The following FGD6 variants were observed in gnomAD, a reference collection of about 807,000 sequenced individuals.
FGD6 encodes FYVE, RhoGEF and PH domain containing 6.
Under a neutral mutation model 149.4 loss-of-function variants are expected in FGD6, and 90 were observed. The ratio of observed to expected loss-of-function variants is 0.60; its 90% CI spans 0.51 to 0.72. The LOEUF is 0.72. FGD6 is among the 30% of genes least tolerant of loss of function. The pLI, the probability that FGD6 is intolerant of heterozygous loss-of-function variation, is 0.00. For synonymous variants in FGD6, 527 were observed against 584.0 expected, an observed-to-expected ratio of 0.90 and a Z score of 1.41; for missense variants, 1,437 against 1,684.8, an observed-to-expected ratio of 0.85 and a Z score of 2.57.
chr12:95,097,234 A>G (rs1194468825), intron 14 of FGD6, among the ~76,000 whole-genome samples: 1 of 152,198 alleles, frequency 6.6e-6, no homozygotes, highest in African/African-American at 2.4e-5. Context: ...TCAAACTGAA[A>G]AACTGTTAAG....
intron 3 of FGD6, among the ~76,000 whole-genome samples, chr12:95,171,526 T>C (rs1256784679): frequency 6.6e-6 from 1 of 152,154 alleles, no homozygotes; most frequent in Non-Finnish European, 1.5e-5. Context: ...GCATCATGCA[T>C]CTTTTTTGAG....
At position 95,209,198 on chromosome 12, in the gene FGD6, A is replaced by G; in HGVS notation, c.2086T>C (p.Tyr696His). The part of the protein sequence containing the change: ...KPIKAYSTEN[Y>H]SLESQKKRKK... ...CTCTTCTTTTGAGATTCCAGGCTAT[A>G]GTTTTCTGTGGAATATGCCTTGATG... is the stretch of plus-strand genomic sequence containing the variant. The change falls in exon 2 of 21, where the codon TAT becomes CAT. Residue 696 changes from tyrosine to histidine, a missense_variant. Physicochemically the swap from Tyr to His is moderately conservative, Grantham distance 83. This residue lies in a region of FGD6 where 1,055 missense variants were observed against 1,146.0 expected (regional missense o/e 0.92). Transcript: ENST00000343958. 2 of 1,613,960 alleles carry G rather than the reference A, an allele frequency of 1.2e-6. No homozygotes were observed. The highest frequency in any genetic ancestry group is 1.3e-5 in the African/African-American group (1 of 74,950).
chr12:95,148,937 A>G (rs1363291469), intron 5 of FGD6, among the ~76,000 whole-genome samples: 28 of 594 alleles, frequency 0.047, 2 homozygotes, highest in African/African-American at 0.29. Flanking sequence ...TATAGCATAT[A>G]TTATATATAT....
intron 13 of FGD6, 91 bp from the exon 14 acceptor site, chr12:95,105,177 T>C (rs1878572210): frequency 2.9e-6 from 3 of 1,030,066 alleles, no homozygotes; most frequent in South Asian, 2.9e-5. Context: ...GCTGCTTACA[T>C]CCACAACCAA....
chr12:95,081,645 C>A, intron 20 of FGD6, 89 bp from the exon 21 acceptor site: 6 of 685,436 alleles, frequency 8.8e-6, no homozygotes, highest in East Asian at 2.8e-5. Flanking sequence ...CTGTGGTCCT[C>A]ATTACCATAA....
At chr12:95,170,265 G>T (rs151096897) in intron 3 of FGD6, among the ~76,000 whole-genome samples, 12 of 152,294 alleles carry the variant, frequency 7.9e-5, no homozygotes, top group Middle Eastern at 3.4e-3. Flanking sequence ...ACATCACTCT[G>T]ATTTGTTTCC....
Position 95,136,389 on chromosome 12 carries a change from C to CA in FGD6, c.2994+1132dup, listed in dbSNP as rs1003244339. On this transcript the variant is annotated intron_variant, in intron 7 of 20. Coordinates refer to ENST00000343958, the MANE Select transcript of FGD6 (RefSeq NM_018351.4). ...CAAAACAAAAACAAAAACAAACAAACAAAAAAAACCCTTTTCACTTCTAGT... is the reference window on the plus strand; with the variant it reads ...CAAAACAAAAACAAAAACAAACAAACAAAAAAAAACCCTTTTCACTTCTAGT... 4.2e-4 allele frequency among the ~76,000 whole-genome samples: 64 copies of CA among 151,846 alleles called. No homozygotes were observed. The South Asian group carries it at 5.6e-3, about 13-fold the overall frequency.
At chr12:95,214,679 A>G (rs2056744317) in intron 1 of FGD6, among the ~76,000 whole-genome samples, 2 of 152,170 alleles carry the variant, frequency 1.3e-5, no homozygotes, top group African/African-American at 4.8e-5. Flanking sequence ...GTACCATTTT[A>G]CTAACTATTA....
rs199586569 is a variant in FGD6, at chr12:95,209,041, T to C, written c.2243A>G (p.Tyr748Cys). The C allele has an allele frequency of 9.3e-6, 15 of 1,614,074 alleles. No homozygotes were observed. The highest frequency in any genetic ancestry group is 1.3e-5 in the African/African-American group (1 of 74,926). ...KSVTSLCAPEYENIRHYEEIP... is the reference protein window; with the variant it reads ...KSVTSLCAPECENIRHYEEIP... Reference sequence around the variant, plus strand: ...TTCCTCATAATGGCGTATATTTTCATACTCCGGTGCACAGAGGCTTGTAAC... The same window carrying C: ...TTCCTCATAATGGCGTATATTTTCACACTCCGGTGCACAGAGGCTTGTAAC... The change falls in exon 2 of 21, where the codon TAT becomes TGT. Residue 748 changes from tyrosine to cysteine, a missense_variant. Tyr to Cys is a radical substitution (Grantham distance 194). This residue lies in a region of FGD6 where 1,055 missense variants were observed against 1,146.0 expected (regional missense o/e 0.92). Transcript: ENST00000343958.
At chr12:95,085,735 C>T in intron 19 of FGD6, 45 bp downstream of exon 19, 1 of 1,556,720 alleles carries the variant, frequency 6.4e-7, no homozygotes, top group South Asian at 1.2e-5. Flanking sequence ...TTGCAGTTGG[C>T]ATTACAAAAC....
chr12:95,102,133 G>T lies in FGD6; in HGVS notation c.3497+2874C>A, dbSNP rs377021933. 1.4e-4 allele frequency among the ~76,000 whole-genome samples: 21 copies of T among 151,114 alleles called. No individual in the cohort carries two copies. In the East Asian group the frequency reaches 1.6e-3, roughly 11 times the overall value. ...ACCAGCCTGGCCAATATGGTGAAAG[G>T]TCATCTCTATCTTAAAATTAAAAAA... is the stretch of plus-strand genomic sequence containing the variant. On this transcript the variant is annotated intron_variant, in intron 14 of 20. Coordinates refer to ENST00000343958, the MANE Select transcript of FGD6 (RefSeq NM_018351.4).
Position 95,211,782 on chromosome 12 carries a change from C to T in FGD6, c.17-515G>A, listed in dbSNP as rs183483193. Among the ~76,000 whole-genome samples the T allele has an allele frequency of 4.6e-4, 70 of 152,280 alleles. 1 individual carries two copies. The highest frequency in any genetic ancestry group is 7.8e-4 in the Admixed American group (12 of 15,296). ...CTCAAACTCCTGACCTCGTGATCCA[C>T]CCACCTCAGCCTCCCAAAGTGCTGG... On this transcript the variant is annotated intron_variant, in intron 1 of 20. Coordinates refer to ENST00000343958, the MANE Select transcript of FGD6 (RefSeq NM_018351.4).
chr12:95,157,900 T>G (rs1374160264), intron 3 of FGD6, among the ~76,000 whole-genome samples: 1 of 152,144 alleles, frequency 6.6e-6, no homozygotes, highest in African/African-American at 2.4e-5. Context: ...CAGGCTGGAG[T>G]GCAGTGGTGC....
At position 95,193,580 on chromosome 12, in the gene FGD6, G is replaced by A. The variant is rs528183120; in HGVS notation, c.2441+15263C>T. ...GTCTCACTCTGTTGCCCAGGCTGGA[G>A]TGTAGTGGCGTGATCTTGGCTCACT... On this transcript the variant is annotated intron_variant, in intron 2 of 20. Transcript: ENST00000343958. 2.7e-4 allele frequency among the ~76,000 whole-genome samples: 41 copies of A among 150,290 alleles called. 1 individual carries two copies. The South Asian group carries it at 8.0e-3, about 29-fold the overall frequency.
chr12:95,186,200 A>G (rs539137963), intron 2 of FGD6, among the ~76,000 whole-genome samples: 13 of 129,954 alleles, frequency 1.0e-4, no homozygotes, highest in African/African-American at 3.4e-4. Context: ...AAGGTCTATG[A>G]GCTAAGAATG....
At chr12:95,141,766 A>G (rs985655468) in intron 5 of FGD6, among the ~76,000 whole-genome samples, 1 of 151,644 alleles carries the variant, frequency 6.6e-6, no homozygotes, top group African/African-American at 2.4e-5. Context: ...ATACTATATG[A>G]TATTTATCTT....
At chr12:95,100,741 G>T (rs905846135) in intron 14 of FGD6, 2 of 512,306 alleles carry the variant, frequency 3.9e-6, no homozygotes, top group Non-Finnish European at 7.8e-6. Context: ...GGACCATCTT[G>T]CCTGGAGCAA....
At chr12:95,125,863 G>C (rs1879322833) in intron 8 of FGD6, 1 of 1,127,880 alleles carries the variant, frequency 8.9e-7, no homozygotes, top group Admixed American at 1.7e-5. Flanking sequence ...GATCAGAACA[G>C]GGCTTTGGTT....
At chr12:95,149,454 G>A (rs112248425) in intron 5 of FGD6, among the ~76,000 whole-genome samples, 8,377 of 124,590 alleles carry the variant, frequency 0.067, 370 homozygotes, top group Middle Eastern at 0.11. Flanking sequence ...ATAATACATA[G>A]TATATTATAC....
Sources: gnomAD v4.1 joint callset for allele counts (sites outside exome capture counted in the v4.1 genomes callset) on GRCh38, gnomAD v4.1.1 for gene constraint, gnomAD v4.1.1 regional missense constraint, MANE v1.5 for transcripts, NCBI Gene and HGNC (gene_info 2026-07-23, HGNC 2026-07-21) for gene names.